Variants in GSDME observed in about 807,000 individuals in gnomAD.
The protein encoded by GSDME is gasdermin-E.
Under a neutral mutation model 47.5 loss-of-function variants are expected in GSDME, and 44 were observed. That is an observed-to-expected ratio of 0.93 (90% CI 0.73 to 1.19). The LOEUF is 1.19. Ranked by LOEUF, GSDME falls within the 50% of genes most tolerant of loss-of-function variation. The probability of loss-of-function intolerance (pLI) is 0.00; values close to 1 mark genes in which losing one functional copy is unlikely to be tolerated. For synonymous variants in GSDME, 258 were observed against 252.8 expected (o/e 1.02, Z -0.20); for missense variants, 663 against 604.2 (o/e 1.10, Z -1.02).
At chr7:24,771,790 C>T in the GSDME span, among the ~76,000 whole-genome samples, 1 of 152,102 alleles carries the variant, frequency 6.6e-6, no homozygotes, top group African/African-American at 2.4e-5. The surrounding 1 kb of genome is among the most constrained non-coding windows in gnomAD (Gnocchi z 4.1). Flanking sequence ...CTGCAGGAAC[C>T]TTTCTAAAGA....
At position 24,742,869 on chromosome 7, in the gene GSDME, G is replaced by A. The variant is rs1790534870; in HGVS notation, c.404+1693C>T. Among the ~76,000 whole-genome samples, 1 of 152,146 alleles carries A rather than the reference G, an allele frequency of 6.6e-6. No individual in the cohort carries two copies. Among genetic ancestry groups the A allele is most frequent in the African/African-American group, 2.4e-5 (1 of 41,420 alleles). On this transcript the variant is annotated intron_variant, in intron 3 of 9. Coordinates refer to ENST00000645220, the MANE Select transcript of GSDME (RefSeq NM_001127453.2). This position sits in a 1 kb window ranked among gnomAD's most constrained non-coding sequence, Gnocchi z 4.4. ...ACATTTCTAGTGTGTCCCAACAATT[G>A]CAGTTGAGAAGGAAAATGGGACTCT... is the stretch of plus-strand genomic sequence containing the variant.
intron 3 of GSDME, among the ~76,000 whole-genome samples, chr7:24,727,777 C>T (rs76851911): frequency 0.12 from 18,961 of 152,268 alleles, 1,253 homozygotes; most frequent in Middle Eastern, 0.19. Flanking sequence ...TCCTGGAACA[C>T]ACACACCATT....
intron 3 of GSDME, among the ~76,000 whole-genome samples, chr7:24,738,374 A>G (rs573617926): frequency 6.6e-5 from 10 of 152,318 alleles, no homozygotes; most frequent in African/African-American, 2.4e-4. Context: ...TCCCATTTAC[A>G]ATAGCTACAA....
intron 3 of GSDME, among the ~76,000 whole-genome samples, chr7:24,740,973 C>A (rs1031389973): frequency 2.6e-5 from 4 of 152,170 alleles, no homozygotes; most frequent in Admixed American, 2.6e-4. Context: ...GGGACCGCGG[C>A]CCAGAACTCA....
intron 3 of GSDME, among the ~76,000 whole-genome samples, chr7:24,734,864 A>G (rs910000164): frequency 7.9e-5 from 12 of 152,358 alleles, no homozygotes; most frequent in African/African-American, 2.9e-4. Context: ...GAGAGAAAAA[A>G]TAGGGGTAGA....
At chr7:24,703,285 T>C (rs1788956126) in intron 8 of GSDME, 1 of 301,340 alleles carries the variant, frequency 3.3e-6, no homozygotes, top group African/African-American at 2.2e-5. Flanking sequence ...CTGTGTAAAC[T>C]ATAAAGGGCT....
At chr7:24,777,430 T>C in the GSDME span, among the ~76,000 whole-genome samples, 1 of 152,228 alleles carries the variant, frequency 6.6e-6, no homozygotes, top group Non-Finnish European at 1.5e-5. Flanking sequence ...TGCGGTTTTA[T>C]AGATGGCTCT....
the GSDME span, among the ~76,000 whole-genome samples, chr7:24,786,621 A>T: frequency 6.6e-6 from 1 of 152,208 alleles, no homozygotes; most frequent in Non-Finnish European, 1.5e-5. The surrounding 1 kb of genome is among the most constrained non-coding windows in gnomAD (Gnocchi z 5.5). Context: ...CGAGCCCTTC[A>T]CATATTGGTG....
Position 24,733,810 on chromosome 7 carries a change from T to A in GSDME, c.404+10752A>T, listed in dbSNP as rs1042614025. On this transcript the variant is annotated intron_variant, in intron 3 of 9. Transcript: ENST00000645220. The surrounding 1 kb of genome is among the most constrained non-coding windows in gnomAD (Gnocchi z 4.3). ...AAGGTTTCCAACTCGAGGCCCTGAC[T>A]CCTGGACAGCATCTCTGGACCCACC... is the stretch of plus-strand genomic sequence containing the variant. Among the ~76,000 whole-genome samples, 1 of 152,200 alleles carries A rather than the reference T, an allele frequency of 6.6e-6. No homozygotes were observed. The highest frequency in any genetic ancestry group is 1.5e-5 in the Non-Finnish European group (1 of 68,030).
intron 3 of GSDME, among the ~76,000 whole-genome samples, chr7:24,743,840 T>C (rs1584100792): frequency 6.6e-6 from 1 of 152,208 alleles, no homozygotes; most frequent in East Asian, 1.9e-4. Flanking sequence ...TAGCACATCC[T>C]AGCCCCTCTC....
chr7:24,759,986 G>T (rs1791143083), upstream of GSDME, among the ~76,000 whole-genome samples: 1 of 152,130 alleles, frequency 6.6e-6, no homozygotes, highest in South Asian at 2.1e-4. Context: ...TAAATAAAAA[G>T]AAAACGTGGA....
At chr7:24,783,168 G>T in the GSDME span, among the ~76,000 whole-genome samples, 1 of 152,156 alleles carries the variant, frequency 6.6e-6, no homozygotes, top group East Asian at 1.9e-4. Context: ...ATTTTTTATG[G>T]AAACAGTTGA....
the GSDME span, among the ~76,000 whole-genome samples, chr7:24,795,514 C>A: frequency 2.0e-4 from 30 of 152,186 alleles, no homozygotes; most frequent in Middle Eastern, 3.4e-3. Flanking sequence ...GGTTGTGACC[C>A]ATTGAGCAAG....
chr7:24,762,132 T>C (rs765720941), upstream of GSDME, among the ~76,000 whole-genome samples: 1 of 151,744 alleles, frequency 6.6e-6, no homozygotes, highest in Non-Finnish European at 1.5e-5. Flanking sequence ...TGCATACCTG[T>C]AGTCCCAGCT....
At chr7:24,713,096 T>C (rs1789419293) in intron 5 of GSDME, among the ~76,000 whole-genome samples, 1 of 151,346 alleles carries the variant, frequency 6.6e-6, no homozygotes, top group South Asian at 2.1e-4. Context: ...CATAAGAAAA[T>C]GAACATGTGA....
At chr7:24,780,665 T>A in the GSDME span, among the ~76,000 whole-genome samples, 1 of 152,230 alleles carries the variant, frequency 6.6e-6, no homozygotes, top group Non-Finnish European at 1.5e-5. This position sits in a 1 kb window ranked among gnomAD's most constrained non-coding sequence, Gnocchi z 4.1. Context: ...TTGTTAAGTT[T>A]CTATGCGTTG....
chr7:24,704,245 A>G lies in GSDME; in HGVS notation c.1184-1412T>C, dbSNP rs536575164. 6 of 152,356 alleles carry G rather than the reference A, an allele frequency of 3.9e-5. No homozygotes were observed. In the South Asian group the frequency reaches 6.2e-4, roughly 16 times the overall value. 9.4% of individuals were successfully genotyped at this position (152,356 alleles called of 1,614,324 possible). A position where few individuals can be genotyped will look rare whatever the true frequency, so the allele number is the denominator to read the frequency against. The stretch of plus-strand genomic sequence containing the variant: ...ATTTTGATTGCTCTTCCATGTACCA[A>G]TTCTATTTTACAAATAGAGTCCAAG... On this transcript the variant is annotated intron_variant, in intron 8 of 9. Transcript: ENST00000645220.
rs1790303563 is a variant in GSDME, at chr7:24,736,287, C to G, written c.404+8275G>C. On this transcript the variant is annotated intron_variant, in intron 3 of 9. Coordinates refer to ENST00000645220, the MANE Select transcript of GSDME (RefSeq NM_001127453.2). This position sits in a 1 kb window ranked among gnomAD's most constrained non-coding sequence, Gnocchi z 4.6. ...TCTGTTGCCTACAAGAAACACCCTT[C>G]ACCTATAAAGACACATATAGACTGA... Among the ~76,000 whole-genome samples the G allele has an allele frequency of 6.6e-6, 1 of 152,076 alleles. No individual in the cohort carries two copies. Among genetic ancestry groups the G allele is most frequent in the African/African-American group, 2.4e-5 (1 of 41,434 alleles).
chr7:24,767,853 A>T, the GSDME span, among the ~76,000 whole-genome samples: 4 of 152,130 alleles, frequency 2.6e-5, no homozygotes, highest in African/African-American at 9.7e-5. This position sits in a 1 kb window ranked among gnomAD's most constrained non-coding sequence, Gnocchi z 5.3. Context: ...AATGCTTTTG[A>T]TGGCTTTCGG....
Sources: gnomAD v4.1 joint callset for allele counts (sites outside exome capture counted in the v4.1 genomes callset) on GRCh38, gnomAD v4.1.1 for gene constraint, Gnocchi (gnomAD v3.1) non-coding constraint, MANE v1.5 for transcripts, NCBI Gene and HGNC (gene_info 2026-07-23, HGNC 2026-07-21) for gene names.